GFM2: variants seen among roughly 807,000 people sequenced by gnomAD.
GFM2 encodes GTP dependent ribosome recycling factor mitochondrial 2, also known as ribosome-releasing factor 2, mitochondrial.
GFM2 carries 72 observed loss-of-function variants against 95.4 expected under a neutral mutation model. The observed-to-expected ratio is 0.76, with a 90% CI of 0.62 to 0.92. GFM2 has a LOEUF of 0.92. Among genes scored for constraint, GFM2 ranks in the 40% least tolerant of loss-of-function variants. The pLI, the probability that GFM2 is intolerant of heterozygous loss-of-function variation, is 0.00. For missense variants in GFM2, 825 were observed against 924.1 expected, an observed-to-expected ratio of 0.89 and a Z score of 1.39; for synonymous variants, 276 against 317.5, an observed-to-expected ratio of 0.87 and a Z score of 1.39.
rs751051117 is a variant in GFM2 at position 74,741,512 on chromosome 5, T to C, written c.930+17A>G. 2 of 1,249,272 alleles carry C rather than the reference T, an allele frequency of 1.6e-6. No individual in the cohort carries two copies. Among genetic ancestry groups the C allele is most frequent in the Non-Finnish European group, 2.3e-6 (2 of 862,532 alleles). The allele number at this position is 1,249,272 out of a possible 1,614,324, so 77.4% of individuals were successfully genotyped here. On this transcript the variant is annotated intron_variant, in intron 11 of 20. Transcript: ENST00000296805. ...ATTAGTAAAATTTTGTGAAAGCCAT[T>C]GAATAATAAAATTTACCTTTTCAGC...
At chr5:74,765,077 T>A in intron 1 of GFM2, 1 of 1,245,402 alleles carries the variant, frequency 8.0e-7, no homozygotes. Context: ...TGAGCCACCA[T>A]GCCTGGCCTT....
chr5:74,732,059 A>G (rs1742592158), intron 16 of GFM2, among the ~76,000 whole-genome samples: 1 of 151,286 alleles, frequency 6.6e-6, no homozygotes, highest in Non-Finnish European at 1.5e-5. Flanking sequence ...GGTTTAAGCA[A>G]CCTTCCCACC....
chr5:74,747,132 A>G (rs976100366), intron 8 of GFM2, among the ~76,000 whole-genome samples: 1 of 152,192 alleles, frequency 6.6e-6, no homozygotes, highest in African/African-American at 2.4e-5. Context: ...TATTCCCAGG[A>G]CAATGCATCC....
chr5:74,724,627 T>C (rs1750066703), intron 19 of GFM2, among the ~76,000 whole-genome samples: 1 of 152,208 alleles, frequency 6.6e-6, no homozygotes, highest in Non-Finnish European at 1.5e-5. Context: ...AAAAGCTTTT[T>C]AAGAAGTATA....
chr5:74,738,470 A>C, intron 13 of GFM2, 32 bp downstream of exon 13: 1 of 1,610,102 alleles, frequency 6.2e-7, no homozygotes. Flanking sequence ...AAGTGCATAC[A>C]GTTTTATAAA....
chr5:74,740,743 AAC>A (rs1396287494), intron 11 of GFM2, among the ~76,000 whole-genome samples: 9 of 152,150 alleles, frequency 5.9e-5, no homozygotes, highest in Non-Finnish European at 1.2e-4. Context: ...CTCAAAAATA[AAC>A]AGTTTCAAAA....
intron 5 of GFM2, among the ~76,000 whole-genome samples, chr5:74,751,836 C>A (rs1743731458): frequency 6.6e-6 from 1 of 152,108 alleles, no homozygotes; most frequent in African/African-American, 2.4e-5. Context: ...TGATAGGAGG[C>A]CGAGTGGTAC....
At chr5:74,737,707 C>G (rs115983178) in intron 14 of GFM2, among the ~76,000 whole-genome samples, 2 of 152,104 alleles carry the variant, frequency 1.3e-5, no homozygotes, top group Non-Finnish European at 2.9e-5. Flanking sequence ...AATAACAATG[C>G]TTACTACATA....
At chr5:74,757,402 TATA>T (rs1359479184) in intron 5 of GFM2, among the ~76,000 whole-genome samples, 2 of 152,156 alleles carry the variant, frequency 1.3e-5, no homozygotes, top group Non-Finnish European at 2.9e-5. Context: ...GCTTAGTGAC[TATA>T]ATTACTGTAA....
At chr5:74,740,674 T>C (rs1048220437) in intron 11 of GFM2, among the ~76,000 whole-genome samples, 1 of 152,198 alleles carries the variant, frequency 6.6e-6, no homozygotes. Flanking sequence ...TTGTGAGCTC[T>C]CTGAAAACAT....
intron 19 of GFM2, 49 bp from the exon 20 acceptor site, chr5:74,722,610 A>G (rs762523757): frequency 6.9e-7 from 1 of 1,454,918 alleles, no homozygotes; most frequent in Non-Finnish European, 9.4e-7. Flanking sequence ...TAAAAACTTA[A>G]AATAAATACA....
In GFM2 at chr5:74,722,555, T is replaced by TCAGAGCCTAAAGAAATTAAAGAATG; in HGVS notation, c.2029-19_2034dup (p.Lys679HisfsTer12). ...TCCAAAACTTGCTTATCAGCTTTCT[T>TCAGAGCCTAAAGAAATTAAAGAATG]CAGAGCCTAAAGAAATTAAAGAATG... On this transcript the variant is annotated frameshift_variant, in exon 20 of 21. Coordinates refer to ENST00000296805, the MANE Select transcript of GFM2 (RefSeq NM_032380.5). LOFTEE classifies it high-confidence loss of function. The TCAGAGCCTAAAGAAATTAAAGAATG allele has an allele frequency of 6.2e-7, 1 of 1,610,114 alleles. No individual in the cohort carries two copies. Among genetic ancestry groups the TCAGAGCCTAAAGAAATTAAAGAATG allele is most frequent in the Non-Finnish European group, 8.5e-7 (1 of 1,178,728 alleles).
rs1580001454 is a variant in GFM2, at chr5:74,747,780, C to T, written c.520G>A (p.Ala174Thr). Residue 174 changes from alanine (A) to threonine (T), a missense_variant and splice_region_variant, in exon 8 of 21, where the codon GCC becomes ACC. Coordinates refer to ENST00000296805, the MANE Select transcript of GFM2 (RefSeq NM_032380.5). Reference protein sequence around the residue: ...AVFDASAGVEAQTLTVWRQAD... With the variant: ...AVFDASAGVETQTLTVWRQAD... ...TGCCTCCATACTGTGAGAGTCTGGGCCTAAAGCAAAGATGAGGAAAAAAAT... is the reference window on the plus strand; with the variant it reads ...TGCCTCCATACTGTGAGAGTCTGGGTCTAAAGCAAAGATGAGGAAAAAAAT... 6.3e-7 allele frequency: 1 copy of T among 1,588,162 alleles called. No homozygotes were observed.
chr5:74,748,947 A>G (rs1743552432), intron 7 of GFM2, among the ~76,000 whole-genome samples: 1 of 139,296 alleles, frequency 7.2e-6, no homozygotes, highest in Admixed American at 6.8e-5. Context: ...AAAAAATAAA[A>G]TAAAATAAAA....
rs897433125 is a variant in GFM2, at chr5:74,734,489, G to A, written c.1511-1391C>T. ...AATGCCTGGAGTCTGACAGAAATGC[G>A]GAATCTTAGGTTCTGGACCTACTGA... On this transcript the variant is annotated intron_variant, in intron 15 of 20. Coordinates refer to ENST00000296805, the MANE Select transcript of GFM2 (RefSeq NM_032380.5). 1.1e-4 allele frequency among the ~76,000 whole-genome samples: 17 copies of A among 152,102 alleles called. 1 individual carries two copies. Among genetic ancestry groups the A allele is most frequent in the East Asian group, 3.9e-4 (2 of 5,172 alleles).
chr5:74,757,892 C>CA (rs1444597459), intron 5 of GFM2, among the ~76,000 whole-genome samples: 5 of 151,840 alleles, frequency 3.3e-5, no homozygotes, highest in Non-Finnish European at 5.9e-5. Context: ...CTAGAGTAGT[C>CA]AAAGTCATGA....
intron 3 of GFM2, among the ~76,000 whole-genome samples, chr5:74,760,678 C>G (rs1489039937): frequency 6.6e-6 from 1 of 152,172 alleles, no homozygotes; most frequent in Non-Finnish European, 1.5e-5. Flanking sequence ...CCAACCTTTC[C>G]TTTGCTCAGT....
chr5:74,766,435 T>C (rs1414580829), intron 1 of GFM2, among the ~76,000 whole-genome samples: 2 of 152,248 alleles, frequency 1.3e-5, no homozygotes, highest in African/African-American at 4.8e-5. Context: ...TGTGAAGTAA[T>C]TAAGGGAACT....
At chr5:74,751,767 T>C (rs1435530559) in intron 5 of GFM2, among the ~76,000 whole-genome samples, 1 of 152,182 alleles carries the variant, frequency 6.6e-6, no homozygotes, top group Non-Finnish European at 1.5e-5. Flanking sequence ...CTTTTATTTC[T>C]TACATAGCTT....
Sources: allele counts gnomAD v4.1 joint callset (sites outside exome capture counted in the v4.1 genomes callset), GRCh38; gene constraint gnomAD v4.1.1; transcripts MANE v1.5; gene names NCBI Gene and HGNC (gene_info 2026-07-23, HGNC 2026-07-21).